TMEM108: variants seen among roughly 807,000 people sequenced by gnomAD.
TMEM108 encodes transmembrane protein 108.
Under a neutral mutation model 35.1 loss-of-function variants are expected in TMEM108, and 12 were observed. The ratio of observed to expected loss-of-function variants is 0.34; its 90% confidence interval spans 0.22 to 0.55. The LOEUF is 0.55. Among genes scored for constraint, TMEM108 ranks in the 20% least tolerant of loss-of-function variants. TMEM108 has a pLI of 0.89. For synonymous variants in TMEM108, 287 were observed against 308.6 expected, an observed-to-expected ratio of 0.93 and a Z score of 0.73; for missense variants, 680 against 753.3, an observed-to-expected ratio of 0.90 and a Z score of 1.14.
At chr3:133,181,008 TAA>T (rs369228472) in intron 2 of TMEM108, among the ~76,000 whole-genome samples, 2,944 of 75,472 alleles carry the variant, frequency 0.039, 83 homozygotes, top group African/African-American at 0.058. Context: ...GCAGTTGTGT[TAA>T]AAAAAAAAAA....
chr3:133,294,184 A>C (rs1947111547), intron 3 of TMEM108, among the ~76,000 whole-genome samples: 1 of 152,220 alleles, frequency 6.6e-6, no homozygotes. Context: ...CTTCAGGCAG[A>C]AAATAAGTGA....
At chr3:133,312,204 G>A (rs531688778) in intron 3 of TMEM108, among the ~76,000 whole-genome samples, 1 of 152,364 alleles carries the variant, frequency 6.6e-6, no homozygotes, top group Admixed American at 6.5e-5. Context: ...CCTACTTGAG[G>A]AGGCGGTCTG....
intron 3 of TMEM108, among the ~76,000 whole-genome samples, chr3:133,368,996 A>G (rs1485759564): frequency 6.6e-6 from 1 of 152,218 alleles, no homozygotes; most frequent in African/African-American, 2.4e-5. Flanking sequence ...TTCCTACCCT[A>G]AAAGCACTCT....
chr3:133,083,710 T>C (rs757000214), intron 2 of TMEM108, among the ~76,000 whole-genome samples: 8 of 152,232 alleles, frequency 5.3e-5, no homozygotes, highest in Non-Finnish European at 1.2e-4. Context: ...ATGGTATTTC[T>C]GTTTTTTTAA....
intron 2 of TMEM108, among the ~76,000 whole-genome samples, chr3:133,102,661 C>T (rs1944102915): frequency 6.6e-6 from 1 of 152,200 alleles, no homozygotes; most frequent in South Asian, 2.1e-4. Flanking sequence ...AAATGAATTT[C>T]TTTAGCAAGT....
Position 133,104,541 on chromosome 3 carries a change from T to C in TMEM108, c.-47+58521T>C, listed in dbSNP as rs555401431. Among the ~76,000 whole-genome samples the C allele has an allele frequency of 6.4e-4, 98 of 152,286 alleles. 2 individuals carry two copies. The highest frequency in any genetic ancestry group is 4.3e-3 in the Admixed American group (65 of 15,284). On this transcript the variant is annotated intron_variant, in intron 2 of 5. Transcript: ENST00000321871. Reference sequence around the variant, plus strand: ...TGCTTTCTCCCAAAGGGTGAGGTCCTGGGGAGCAGGTGTTTTTCTGATATC... The same window carrying C: ...TGCTTTCTCCCAAAGGGTGAGGTCCCGGGGAGCAGGTGTTTTTCTGATATC...
At chr3:133,298,080 G>A (rs989607548) in intron 3 of TMEM108, among the ~76,000 whole-genome samples, 2 of 152,148 alleles carry the variant, frequency 1.3e-5, no homozygotes, top group Non-Finnish European at 2.9e-5. Context: ...GATGAGCCAC[G>A]CTACTGGAGA....
intron 2 of TMEM108, among the ~76,000 whole-genome samples, chr3:133,088,545 C>T (rs1943910598): frequency 6.6e-6 from 1 of 152,188 alleles, no homozygotes; most frequent in Admixed American, 6.5e-5. Flanking sequence ...TTGTATTCTG[C>T]TCCTAAACTA....
chr3:133,126,599 A>G (rs1259860353), intron 2 of TMEM108, among the ~76,000 whole-genome samples: 3 of 152,004 alleles, frequency 2.0e-5, no homozygotes, highest in Non-Finnish European at 4.4e-5. Flanking sequence ...TAAATTTTCT[A>G]GTGGCCACAT....
In TMEM108 at chr3:133,339,586, A is replaced by G. The variant is rs1372403572; in HGVS notation, c.41-40166A>G. On this transcript the variant is annotated intron_variant, in intron 3 of 5. Transcript: ENST00000321871. ...CAAAGAGACATCAGACTTAATATGC[A>G]CTATAAACCAAATGAACTTAATAGA... Among the ~76,000 whole-genome samples the G allele has an allele frequency of 2.0e-5, 3 of 152,058 alleles. No individual in the cohort carries two copies. In the East Asian group the frequency reaches 5.8e-4, roughly 29 times the overall value.
At chr3:133,360,029 C>CAAAAAAAAAAAAAAA (rs2072297518) in intron 3 of TMEM108, among the ~76,000 whole-genome samples, 1 of 114,366 alleles carries the variant, frequency 8.7e-6, no homozygotes. Context: ...AAAAAAAAAG[C>CAAAAAAAAAAAAAAA]AAACCACTGA....
chr3:133,220,738 G>T (rs2107851457), intron 2 of TMEM108, among the ~76,000 whole-genome samples: 1 of 152,216 alleles, frequency 6.6e-6, no homozygotes. Context: ...CCTGGAGGTA[G>T]GATTGGATCC....
intron 3 of TMEM108, among the ~76,000 whole-genome samples, chr3:133,339,318 T>C (rs4459902): frequency 0.31 from 46,412 of 151,574 alleles, 7,828 homozygotes; most frequent in East Asian, 0.47. Context: ...GCTATACTTA[T>C]ACAAAATAGA....
At chr3:133,391,330 G>C (rs2073231757) in intron 5 of TMEM108, among the ~76,000 whole-genome samples, 1 of 152,192 alleles carries the variant, frequency 6.6e-6, no homozygotes, top group African/African-American at 2.4e-5. Context: ...CCAGGAGAAA[G>C]ATAACAGACA....
chr3:133,139,162 T>C (rs1407672014), intron 2 of TMEM108, among the ~76,000 whole-genome samples: 3 of 152,356 alleles, frequency 2.0e-5, no homozygotes, highest in Non-Finnish European at 2.9e-5. Context: ...CAGTCTATCA[T>C]TGATGGACAT....
intron 2 of TMEM108, among the ~76,000 whole-genome samples, chr3:133,103,355 T>C (rs749397598): frequency 6.6e-5 from 10 of 152,190 alleles, no homozygotes; most frequent in Non-Finnish European, 1.2e-4. Context: ...ATACCGCATG[T>C]TCTCACTTAC....
chr3:133,146,993 C>T (rs1279414258), intron 2 of TMEM108, among the ~76,000 whole-genome samples: 1 of 152,052 alleles, frequency 6.6e-6, no homozygotes, highest in East Asian at 1.9e-4. Flanking sequence ...TATTTCTTGT[C>T]TTCTGCTAGC....
At chr3:133,056,114 A>G (rs759523820) in intron 2 of TMEM108, among the ~76,000 whole-genome samples, 3 of 151,936 alleles carry the variant, frequency 2.0e-5, no homozygotes, top group Non-Finnish European at 2.9e-5. Flanking sequence ...CTCAATTCTT[A>G]TATCTTTATT....
At chr3:133,290,866 G>A (rs938269017) in intron 3 of TMEM108, among the ~76,000 whole-genome samples, 1 of 152,082 alleles carries the variant, frequency 6.6e-6, no homozygotes, top group Admixed American at 6.5e-5. Context: ...CACCAGCTCA[G>A]CCCTATACCT....
Sources: gnomAD v4.1 joint callset for allele counts (sites outside exome capture counted in the v4.1 genomes callset) on GRCh38, gnomAD v4.1.1 for gene constraint, MANE v1.5 for transcripts, NCBI Gene and HGNC (gene_info 2026-07-23, HGNC 2026-07-21) for gene names.